The following SRCIN1 variants were observed in gnomAD, a reference collection of about 807,000 sequenced individuals.
SRCIN1 encodes the protein P130Cas-associated protein.
Under a neutral mutation model 116.2 loss-of-function variants are expected in SRCIN1, and 50 were observed. The ratio of observed to expected loss-of-function variants is 0.43; its 90% CI spans 0.34 to 0.54. The LOEUF is 0.54. Ranked by LOEUF, SRCIN1 falls within the 20% of genes least tolerant of loss-of-function variation. The pLI, the probability that SRCIN1 is intolerant of heterozygous loss-of-function variation, is 0.02. For missense variants in SRCIN1, 1,446 were observed against 1,672.0 expected (o/e 0.86, Z 2.36); for synonymous variants, 736 against 750.0 (o/e 0.98, Z 0.30).
At position 38,578,709 on chromosome 17, in the gene SRCIN1, G is replaced by GCCCCCGCCC. The variant is rs1907595815; in HGVS notation, c.96_104dup (p.Gly36_Gly38dup). 1 of 1,225,346 alleles carries GCCCCCGCCC rather than the reference G, an allele frequency of 8.2e-7. No homozygotes were observed. Among genetic ancestry groups the GCCCCCGCCC allele is most frequent in the Admixed American group, 2.1e-5 (1 of 48,212 alleles). 75.9% of individuals were successfully genotyped at this position (1,225,346 alleles called of 1,614,324 possible). On this transcript the variant is annotated inframe_insertion, in exon 2 of 19. Coordinates refer to ENST00000617146, the MANE Select transcript of SRCIN1 (RefSeq NM_025248.3). ...AGCGCCGGCCCCCGCTGCCCCCGCC[G>GCCCCCGCCC]CCCCCGCCCCCCAGGGTCCGGTACT... is the stretch of plus-strand genomic sequence containing the variant.
Position 38,551,368 on chromosome 17 carries a change from C to T in SRCIN1, c.2749G>A (p.Glu917Lys), listed in dbSNP as rs758704753. The T allele has an allele frequency of 6.2e-7, 1 of 1,612,756 alleles. No individual in the cohort carries two copies. Among genetic ancestry groups the T allele is most frequent in the Non-Finnish European group, 8.5e-7 (1 of 1,179,408 alleles). ...SVEAAERDWE[E>K]KRAALTQYSA... The stretch of plus-strand genomic sequence containing the variant: ...TACTGGGTCAGGGCTGCCCGCTTCT[C>T]CTCCCAGTCTCGCTCTGCAGCCTTA... The change falls in exon 15 of 19, where the codon GAG (glutamate) becomes AAG (lysine). Residue 917 changes from glutamate to lysine, a missense_variant. By Grantham distance (56) the Glu-to-Lys change is moderately conservative. This residue lies in a region of SRCIN1 where 531 missense variants were observed against 633.9 expected (regional missense o/e 0.84). Transcript: ENST00000617146.
At chr17:38,535,113 C>T (rs896041786) in intron 18 of SRCIN1, among the ~76,000 whole-genome samples, 1 of 151,500 alleles carries the variant, frequency 6.6e-6, no homozygotes, top group Admixed American at 6.6e-5. Context: ...GCCTGGGTGA[C>T]AGAATGAGGC....
At chr17:38,554,564 C>T (rs568061876) in intron 11 of SRCIN1, among the ~76,000 whole-genome samples, 36 of 152,314 alleles carry the variant, frequency 2.4e-4, no homozygotes, top group Non-Finnish European at 4.7e-4. Context: ...CTGCTTCCTG[C>T]CCTCCAAACC....
At position 38,563,683 on chromosome 17, in the gene SRCIN1, C is replaced by T; in HGVS notation, c.542-162G>A. Reference sequence around the variant, plus strand: ...ATGCACCCAGGCACCTCTCATGCTGCCGGCGGGGGCGCCAGGCCGGCTCTC... The same window carrying T: ...ATGCACCCAGGCACCTCTCATGCTGTCGGCGGGGGCGCCAGGCCGGCTCTC... On this transcript the variant is annotated intron_variant, in intron 4 of 18. Coordinates refer to ENST00000617146, the MANE Select transcript of SRCIN1 (RefSeq NM_025248.3). The surrounding 1 kb of genome is among the most constrained non-coding windows in gnomAD (Gnocchi z 5.8). 9.8e-7 allele frequency: 1 copy of T among 1,018,768 alleles called. No individual in the cohort carries two copies. Among genetic ancestry groups the T allele is most frequent in the Non-Finnish European group, 1.5e-6 (1 of 677,040 alleles). The allele number at this position is 1,018,768 out of a possible 1,614,324, so 63.1% of individuals were successfully genotyped here.
chr17:38,585,416 C>T lies in SRCIN1; in HGVS notation c.23-6625G>A, dbSNP rs867844331. Among the ~76,000 whole-genome samples the T allele has an allele frequency of 4.5e-4, 69 of 152,296 alleles. No individual in the cohort carries two copies. The highest frequency in any genetic ancestry group is 1.6e-3 in the African/African-American group (66 of 41,552). ...CATCCTGCTGGGTGCCTGCTGCAGT[C>T]GGGAAGCACACGGTGTGCTTGGAGG... is the stretch of plus-strand genomic sequence containing the variant. On this transcript the variant is annotated intron_variant, in intron 1 of 18. Transcript: ENST00000617146. The surrounding 1 kb of genome is among the most constrained non-coding windows in gnomAD (Gnocchi z 4.2).
At chr17:38,600,179 T>A (rs989305406) in intron 1 of SRCIN1, among the ~76,000 whole-genome samples, 2 of 152,210 alleles carry the variant, frequency 1.3e-5, no homozygotes, top group African/African-American at 4.8e-5. Context: ...TTGGTGGCAT[T>A]TTTGTTCCTG....
intron 3 of SRCIN1, among the ~76,000 whole-genome samples, chr17:38,564,551 AC>A (rs1906555538): frequency 6.6e-6 from 1 of 151,920 alleles, no homozygotes; most frequent in African/African-American, 2.4e-5. Context: ...GGACCCAGGC[AC>A]CCTGGGAAGC....
intron 2 of SRCIN1, among the ~76,000 whole-genome samples, chr17:38,570,868 G>A (rs1907037825): frequency 6.6e-6 from 1 of 152,228 alleles, no homozygotes; most frequent in African/African-American, 2.4e-5. Context: ...GATGGAAGAG[G>A]GGCTGCGCTT....
chr17:38,554,288 C>T (rs1483175053), intron 11 of SRCIN1, among the ~76,000 whole-genome samples: 3 of 152,094 alleles, frequency 2.0e-5, no homozygotes, highest in East Asian at 1.9e-4. Context: ...GGAAAGCACG[C>T]GGCAAAGGGC....
At chr17:38,560,484 G>T in intron 7 of SRCIN1, 59 bp from the exon 8 acceptor site, 1 of 1,403,916 alleles carries the variant, frequency 7.1e-7, no homozygotes, top group Non-Finnish European at 9.9e-7. Flanking sequence ...CTCCTGCCCA[G>T]CCCCCCATTC....
At chr17:38,571,613 C>G (rs1000692834) in intron 2 of SRCIN1, among the ~76,000 whole-genome samples, 2 of 152,102 alleles carry the variant, frequency 1.3e-5, no homozygotes, top group Non-Finnish European at 2.9e-5. Context: ...CTCACCTTCC[C>G]AAAAGACAGT....
At chr17:38,538,146 T>C (rs1181843801) in intron 18 of SRCIN1, among the ~76,000 whole-genome samples, 2 of 145,210 alleles carry the variant, frequency 1.4e-5, no homozygotes, top group Non-Finnish European at 3.0e-5. Flanking sequence ...ATAGGCCGGG[T>C]GTGGTGGCTC....
intron 3 of SRCIN1, among the ~76,000 whole-genome samples, chr17:38,566,673 C>T (rs1208963150): frequency 6.6e-6 from 1 of 152,170 alleles, no homozygotes; most frequent in African/African-American, 2.4e-5. Context: ...ACCAGAATCT[C>T]TGGGGATTGG....
At chr17:38,574,499 C>T (rs574798318) in intron 2 of SRCIN1, among the ~76,000 whole-genome samples, 12 of 152,142 alleles carry the variant, frequency 7.9e-5, no homozygotes, top group Middle Eastern at 3.4e-3. Context: ...TGCTCAGAAA[C>T]GGAAGGGGAG....
chr17:38,582,021 G>T (rs771336163), intron 1 of SRCIN1, among the ~76,000 whole-genome samples: 4 of 152,172 alleles, frequency 2.6e-5, no homozygotes, highest in Non-Finnish European at 4.4e-5. Context: ...GGATTCTGCC[G>T]TGGCCTTGCT....
At position 38,585,379 on chromosome 17, in the gene SRCIN1, G is replaced by A. The variant is rs1387534555; in HGVS notation, c.23-6588C>T. ...CCGAGGCACTGCCACCTTCGATTGTGCATGATGACTCCATCCTGCTGGGTG... is the reference window on the plus strand; with the variant it reads ...CCGAGGCACTGCCACCTTCGATTGTACATGATGACTCCATCCTGCTGGGTG... On this transcript the variant is annotated intron_variant, in intron 1 of 18. Transcript: ENST00000617146. This position sits in a 1 kb window ranked among gnomAD's most constrained non-coding sequence, Gnocchi z 4.2. 6.6e-6 allele frequency among the ~76,000 whole-genome samples: 1 copy of A among 152,252 alleles called. No homozygotes were observed. The highest frequency in any genetic ancestry group is 2.4e-5 in the African/African-American group (1 of 41,470).
intron 1 of SRCIN1, among the ~76,000 whole-genome samples, chr17:38,590,050 G>C (rs1908356715): frequency 6.6e-6 from 1 of 152,190 alleles, no homozygotes; most frequent in South Asian, 2.1e-4. Context: ...TCTCCCATCA[G>C]AGCAGCATCT....
intron 2 of SRCIN1, among the ~76,000 whole-genome samples, chr17:38,570,569 A>G (rs1464500212): frequency 6.6e-6 from 1 of 152,262 alleles, no homozygotes; most frequent in African/African-American, 2.4e-5. Flanking sequence ...CAAAAGAGAT[A>G]GAAGATGTTC....
At chr17:38,539,866 C>T (rs1441439000) in intron 18 of SRCIN1, among the ~76,000 whole-genome samples, 1 of 151,702 alleles carries the variant, frequency 6.6e-6, no homozygotes, top group Non-Finnish European at 1.5e-5. Flanking sequence ...ACTGAAAATA[C>T]AAAAATTAGC....
Sources: allele counts gnomAD v4.1 joint callset (sites outside exome capture counted in the v4.1 genomes callset), GRCh38; gene constraint gnomAD v4.1.1; regional missense constraint gnomAD v4.1.1; non-coding constraint Gnocchi (gnomAD v3.1); transcripts MANE v1.5; gene names NCBI Gene and HGNC (gene_info 2026-07-23, HGNC 2026-07-21).